CHRM3: variants seen among roughly 807,000 people sequenced by gnomAD.
CHRM3 encodes the protein cholinergic receptor muscarinic 3.
In CHRM3, 11 loss-of-function variants were observed where a neutral mutation model predicts 41.8. That is an observed-to-expected ratio of 0.26 (90% CI 0.17 to 0.44). CHRM3 has a LOEUF of 0.44. Ranked by LOEUF, CHRM3 falls within the 20% of genes least tolerant of loss-of-function variation. The pLI is 1.00. For synonymous variants in CHRM3, 297 were observed against 301.4 expected, an observed-to-expected ratio of 0.99 and a Z score of 0.15; for missense variants, 571 against 745.4, an observed-to-expected ratio of 0.77 and a Z score of 2.72.
intron 5 of CHRM3, among the ~76,000 whole-genome samples, chr1:239,685,874 T>C (rs563419454): frequency 5.9e-5 from 9 of 152,102 alleles, no homozygotes; most frequent in African/African-American, 2.2e-4. Context: ...AAAAAAACTG[T>C]GTTCTGTCAT....
intron 4 of CHRM3, among the ~76,000 whole-genome samples, chr1:239,656,448 T>A (rs573435201): frequency 6.8e-6 from 1 of 146,710 alleles, no homozygotes. Flanking sequence ...TGGCAAGACA[T>A]CATCTCTGCT....
chr1:239,465,876 A>C (rs1189200221), intron 1 of CHRM3, among the ~76,000 whole-genome samples: 1 of 150,796 alleles, frequency 6.6e-6, no homozygotes, highest in African/African-American at 2.4e-5. Context: ...CACCTCTTTC[A>C]CCCCTGCTAT....
At chr1:239,756,894 CTGTT>C (rs1407780105) in intron 5 of CHRM3, among the ~76,000 whole-genome samples, 1 of 152,052 alleles carries the variant, frequency 6.6e-6, no homozygotes, top group Admixed American at 6.5e-5. Context: ...ATATTTTAGA[CTGTT>C]TTTATTTAAT....
chr1:239,832,118 CTT>C (rs1672940827), intron 6 of CHRM3, among the ~76,000 whole-genome samples: 1 of 152,164 alleles, frequency 6.6e-6, no homozygotes, highest in Non-Finnish European at 1.5e-5. Flanking sequence ...GGTAAAATCA[CTT>C]GAGAGGAAGC....
At chr1:239,491,372 C>T (rs1463194152) in intron 1 of CHRM3, among the ~76,000 whole-genome samples, 1 of 152,196 alleles carries the variant, frequency 6.6e-6, no homozygotes, top group Non-Finnish European at 1.5e-5. Flanking sequence ...CCTTCAGTAA[C>T]CACTGTTCTA....
intron 3 of CHRM3, among the ~76,000 whole-genome samples, chr1:239,617,877 C>A (rs1405180253): frequency 2.0e-5 from 3 of 152,086 alleles, no homozygotes; most frequent in Non-Finnish European, 4.4e-5. Flanking sequence ...GTAAGATGAC[C>A]ACTGTGGTGT....
chr1:239,788,442 C>G (rs1669083240), intron 5 of CHRM3, among the ~76,000 whole-genome samples: 1 of 152,048 alleles, frequency 6.6e-6, no homozygotes, highest in Non-Finnish European at 1.5e-5. Context: ...CCTACGTTAA[C>G]AGTCCTTTAA....
At chr1:239,723,924 G>A (rs1663202868) in intron 5 of CHRM3, among the ~76,000 whole-genome samples, 1 of 151,814 alleles carries the variant, frequency 6.6e-6, no homozygotes, top group Non-Finnish European at 1.5e-5. Context: ...AAAACTCCAG[G>A]GGCTTTCACC....
rs989308959 is a variant in CHRM3, at chr1:239,583,320, A to G, written c.-313+37571A>G. On this transcript the variant is annotated intron_variant, in intron 3 of 6. Coordinates refer to ENST00000676153, the MANE Select transcript of CHRM3 (RefSeq NM_001375978.1). ...GTATGAAATGTGGAAATGGTCAAAT[A>G]TATCACCAGTCTCAAAAATATTTGT... 3.3e-5 allele frequency among the ~76,000 whole-genome samples: 5 copies of G among 152,234 alleles called. No individual in the cohort carries two copies. In the East Asian group the frequency reaches 7.7e-4, roughly 23 times the overall value.
chr1:239,500,316 G>A (rs981224481), intron 2 of CHRM3, among the ~76,000 whole-genome samples: 5 of 152,140 alleles, frequency 3.3e-5, no homozygotes, highest in Non-Finnish European at 2.9e-5. Flanking sequence ...GTCCTTTGCA[G>A]GGACGTGGAT....
intron 1 of CHRM3, among the ~76,000 whole-genome samples, chr1:239,459,717 A>G (rs1665214182): frequency 6.6e-6 from 1 of 152,166 alleles, no homozygotes; most frequent in South Asian, 2.1e-4. Flanking sequence ...TTATTTTAAC[A>G]CAGTTGATAG....
chr1:239,773,385 C>A (rs1211792956), intron 5 of CHRM3, among the ~76,000 whole-genome samples: 1 of 152,184 alleles, frequency 6.6e-6, no homozygotes, highest in African/African-American at 2.4e-5. Flanking sequence ...GTTTACTTAT[C>A]TCAAATATGA....
intron 4 of CHRM3, among the ~76,000 whole-genome samples, chr1:239,648,371 T>G (rs907353414): frequency 2.0e-5 from 3 of 152,188 alleles, no homozygotes; most frequent in African/African-American, 7.2e-5. Context: ...TGTGCACACA[T>G]CTTTATCTGC....
intron 5 of CHRM3, among the ~76,000 whole-genome samples, chr1:239,684,018 C>T (rs114606482): frequency 0.013 from 2,016 of 152,232 alleles, 24 homozygotes; most frequent in Middle Eastern, 0.044. Context: ...TCCAGTATAA[C>T]AACATACTGT....
At chr1:239,623,658 C>A (rs1318864954) in intron 3 of CHRM3, among the ~76,000 whole-genome samples, 2 of 73,352 alleles carry the variant, frequency 2.7e-5, no homozygotes, top group African/African-American at 5.6e-5. Context: ...CTCCCCCGAC[C>A]CCACCACAGT....
At chr1:239,627,816 C>T (rs868225966) in intron 3 of CHRM3, among the ~76,000 whole-genome samples, 7 of 150,078 alleles carry the variant, frequency 4.7e-5, no homozygotes, top group African/African-American at 1.5e-4. Flanking sequence ...TCTTTAAGAA[C>T]GTTGAATATT....
At chr1:239,671,656 C>G (rs549693293) in intron 4 of CHRM3, among the ~76,000 whole-genome samples, 1 of 151,926 alleles carries the variant, frequency 6.6e-6, no homozygotes, top group Admixed American at 6.6e-5. Context: ...TTATTGAAAA[C>G]AGTTATTTTA....
Position 239,816,223 on chromosome 1 carries a change from G to A in CHRM3, c.-146-11029G>A, listed in dbSNP as rs74149217. On this transcript the variant is annotated intron_variant, in intron 5 of 6. Transcript: ENST00000676153. Reference sequence around the variant, plus strand: ...GAGAAGGCGGTGCTTTGCGATTGATGGCTGCTGCTGCCCCTCCCATGAGGC... The same window carrying A: ...GAGAAGGCGGTGCTTTGCGATTGATAGCTGCTGCTGCCCCTCCCATGAGGC... Among the ~76,000 whole-genome samples, 838 of 152,220 alleles carry A rather than the reference G, an allele frequency of 5.5e-3. 6 individuals are homozygous for A. Among genetic ancestry groups the A allele is most frequent in the African/African-American group, 0.019 (787 of 41,544 alleles).
intron 5 of CHRM3, among the ~76,000 whole-genome samples, chr1:239,733,652 G>T (rs1419716420): frequency 2.0e-5 from 3 of 151,852 alleles, no homozygotes; most frequent in East Asian, 3.9e-4. Flanking sequence ...TCATTTGAGA[G>T]AAAAAATATT....
Sources: allele counts gnomAD v4.1 joint callset (sites outside exome capture counted in the v4.1 genomes callset), GRCh38; gene constraint gnomAD v4.1.1; transcripts MANE v1.5; gene names NCBI Gene and HGNC (gene_info 2026-07-23, HGNC 2026-07-21).